FMN2: variants seen among roughly 807,000 people sequenced by gnomAD.
The protein encoded by FMN2 is formin 2.
In FMN2, 51 loss-of-function variants were observed where a neutral mutation model predicts 142.3. That is an observed-to-expected ratio of 0.36 (90% CI 0.29 to 0.45). The LOEUF is 0.45. FMN2 is among the 20% of genes least tolerant of loss of function. The pLI is 1.00. For missense variants in FMN2, 1,936 were observed against 2,122.8 expected (o/e 0.91, Z 1.73); for synonymous variants, 882 against 869.8 (o/e 1.01, Z -0.25).
intron 6 of FMN2, among the ~76,000 whole-genome samples, chr1:240,220,881 C>T (rs1033969214): frequency 1.3e-5 from 2 of 152,004 alleles, no homozygotes; most frequent in African/African-American, 2.4e-5. Flanking sequence ...CCCCACCCCA[C>T]GACAGGCCCC....
chr1:240,159,850 C>G (rs1209260417), intron 2 of FMN2, among the ~76,000 whole-genome samples: 1 of 148,570 alleles, frequency 6.7e-6, no homozygotes, highest in Non-Finnish European at 1.5e-5. Context: ...TTTTCAATCC[C>G]TCTTGGAGCA....
intron 8 of FMN2, among the ~76,000 whole-genome samples, chr1:240,295,472 C>CTA (rs1669941242): frequency 6.6e-6 from 1 of 152,106 alleles, no homozygotes; most frequent in Non-Finnish European, 1.5e-5. Context: ...GGGCAACCAC[C>CTA]GTTATGCTTT....
chr1:240,349,322 A>G (rs1672016268), intron 13 of FMN2, among the ~76,000 whole-genome samples: 1 of 152,216 alleles, frequency 6.6e-6, no homozygotes, highest in Admixed American at 6.5e-5. Context: ...TGATCTGATT[A>G]CAGTTATTTC....
rs71567282 is a variant in FMN2, at chr1:240,241,825, C to CTTTTTTTTTTTTTTTTTTTTTT, written c.4066-16112_4066-16091dup. On this transcript the variant is annotated intron_variant, in intron 6 of 17. Coordinates refer to ENST00000319653, the MANE Select transcript of FMN2 (RefSeq NM_020066.5). ...ATTTTCTTTATTTTAGTGTGCCTTG[C>CTTTTTTTTTTTTTTTTTTTTTT]TTTTTTTTTTTTTTTTTTTTTTTTT... Among the ~76,000 whole-genome samples the CTTTTTTTTTTTTTTTTTTTTTT allele has an allele frequency of 9.4e-5, 9 of 96,232 alleles. 2 individuals are homozygous for CTTTTTTTTTTTTTTTTTTTTTT. Among genetic ancestry groups the CTTTTTTTTTTTTTTTTTTTTTT allele is most frequent in the African/African-American group, 3.4e-4 (9 of 26,326 alleles). The allele number at this position is 96,232 out of a possible 152,430, so 63.1% of individuals were successfully genotyped here.
intron 8 of FMN2, among the ~76,000 whole-genome samples, chr1:240,297,527 C>T (rs1333557720): frequency 3.1e-5 from 4 of 131,088 alleles, no homozygotes; most frequent in Non-Finnish European, 1.5e-5. Context: ...ATCTGGGAGG[C>T]GGAGGTTGCT....
chr1:240,258,706 T>G (rs1668530674), intron 7 of FMN2, among the ~76,000 whole-genome samples: 1 of 152,198 alleles, frequency 6.6e-6, no homozygotes, highest in South Asian at 2.1e-4. Context: ...TACTGTACAA[T>G]TGACGGCCAT....
intron 15 of FMN2, among the ~76,000 whole-genome samples, chr1:240,405,278 T>C (rs1466995603): frequency 2.0e-5 from 3 of 152,108 alleles, no homozygotes; most frequent in Non-Finnish European, 2.9e-5. Flanking sequence ...TTTTGTTTTT[T>C]AAAAAAATAG....
intron 6 of FMN2, among the ~76,000 whole-genome samples, chr1:240,242,443 G>T (rs1667942810): frequency 6.6e-6 from 1 of 152,094 alleles, no homozygotes; most frequent in Non-Finnish European, 1.5e-5. Context: ...AGAACAACCC[G>T]AGGGATGGGA....
At chr1:240,365,664 T>C (rs1209811102) in intron 14 of FMN2, among the ~76,000 whole-genome samples, 1 of 152,152 alleles carries the variant, frequency 6.6e-6, no homozygotes, top group African/African-American at 2.4e-5. Flanking sequence ...TATTCTTCTA[T>C]GGGGAAATAC....
chr1:240,253,838 C>T (rs2102889899), intron 6 of FMN2, among the ~76,000 whole-genome samples: 1 of 151,806 alleles, frequency 6.6e-6, no homozygotes, highest in African/African-American at 2.4e-5. Context: ...GCAGTGTAGT[C>T]TCTGTATGAT....
At chr1:240,155,291 T>A (rs1663974809) in intron 2 of FMN2, among the ~76,000 whole-genome samples, 1 of 152,148 alleles carries the variant, frequency 6.6e-6, no homozygotes, top group African/African-American at 2.4e-5. Flanking sequence ...TTTTAATTTT[T>A]ATTTTTTTAA....
intron 13 of FMN2, among the ~76,000 whole-genome samples, chr1:240,335,406 G>A (rs1271484947): frequency 1.3e-5 from 2 of 152,062 alleles, no homozygotes; most frequent in Middle Eastern, 3.2e-3. Context: ...GTGGTACTGT[G>A]TATTTTAAGC....
At chr1:240,398,293 C>T (rs1404220966) in intron 15 of FMN2, among the ~76,000 whole-genome samples, 45 of 152,126 alleles carry the variant, frequency 3.0e-4, no homozygotes, top group Admixed American at 2.8e-3. Context: ...GATGAGCCAC[C>T]GTGCCTGGCC....
chr1:240,125,341 T>G (rs751633807), intron 2 of FMN2, among the ~76,000 whole-genome samples: 65 of 152,248 alleles, frequency 4.3e-4, no homozygotes, highest in Non-Finnish European at 8.7e-4. Flanking sequence ...CTGCTGCAAT[T>G]TTTTAAAATG....
At chr1:240,443,036 A>G (rs1675680730) in intron 16 of FMN2, among the ~76,000 whole-genome samples, 1 of 152,210 alleles carries the variant, frequency 6.6e-6, no homozygotes, top group African/African-American at 2.4e-5. Context: ...CTGTTTTTCC[A>G]TCATTTAATA....
At chr1:240,097,785 A>G (rs1661265096) in intron 1 of FMN2, among the ~76,000 whole-genome samples, 3 of 152,156 alleles carry the variant, frequency 2.0e-5, no homozygotes, top group African/African-American at 7.2e-5. Flanking sequence ...TCTAAGTGCC[A>G]GACTCTGTTG....
intron 14 of FMN2, among the ~76,000 whole-genome samples, chr1:240,384,062 G>A (rs1673322951): frequency 6.6e-6 from 1 of 151,970 alleles, no homozygotes; most frequent in Admixed American, 6.6e-5. Flanking sequence ...AAAATTAAAT[G>A]CTACATGTTC....
chr1:240,145,168 G>A, intron 2 of FMN2: 4 of 1,466,300 alleles, frequency 2.7e-6, no homozygotes, highest in Non-Finnish European at 3.8e-6. Flanking sequence ...GTCGATACAG[G>A]GATGTGTCCT....
In FMN2 at chr1:240,466,420, T is replaced by C. The variant is rs1040665429; in HGVS notation, c.5061-5952T>C. 2.8e-4 allele frequency among the ~76,000 whole-genome samples: 42 copies of C among 152,202 alleles called. 1 individual carries two copies. Among genetic ancestry groups the C allele is most frequent in the Admixed American group, 7.9e-4 (12 of 15,284 alleles). On this transcript the variant is annotated intron_variant, in intron 16 of 17. Transcript: ENST00000319653. Reference sequence around the variant, plus strand: ...CATTTACAACTTTATTTTTGGAAAATAAATTTATTATAAAGATTTTTTTAA... The same window carrying C: ...CATTTACAACTTTATTTTTGGAAAACAAATTTATTATAAAGATTTTTTTAA...
Sources: gnomAD v4.1 joint callset for allele counts (sites outside exome capture counted in the v4.1 genomes callset) on GRCh38, gnomAD v4.1.1 for gene constraint, MANE v1.5 for transcripts, NCBI Gene and HGNC (gene_info 2026-07-23, HGNC 2026-07-21) for gene names.